The following ANK2 variants were observed in gnomAD, a reference collection of about 807,000 sequenced individuals.
ANK2 encodes the protein ankyrin 2, also known as ankyrin-2.
A neutral mutation model predicts 360.5 loss-of-function variants in ANK2; 83 were observed. The observed-to-expected ratio is 0.23, with a 90% CI of 0.19 to 0.28. ANK2 has a LOEUF of 0.28. Among genes scored for constraint, ANK2 ranks in the 10% least tolerant of loss-of-function variants. ANK2 has a pLI of 1.00. For synonymous variants in ANK2, 1,740 were observed against 1,759.5 expected, an observed-to-expected ratio of 0.99 and a Z score of 0.28; for missense variants, 4,201 against 4,795.7, an observed-to-expected ratio of 0.88 and a Z score of 3.66.
rs998176656 is a variant in ANK2 at position 113,287,637 on chromosome 4, G to C, written c.2112G>C (p.Gln704His). ...SGLTSLHLAA[Q>H]EDKVNVADIL... The stretch of plus-strand genomic sequence containing the variant: ...TCACATCCTTACACCTTGCAGCCCA[G>C]GAAGATAAAGTGAATGTTGCTGATA... The change falls in exon 19 of 46, where the codon CAG becomes CAC. Residue 704 changes from glutamine (Q) to histidine (H), a missense_variant. Coordinates refer to ENST00000357077, the MANE Select transcript of ANK2 (RefSeq NM_001148.6). 2 of 1,613,484 alleles carry C rather than the reference G, an allele frequency of 1.2e-6. No homozygotes were observed. Among genetic ancestry groups the C allele is most frequent in the South Asian group, 2.2e-5 (2 of 91,070 alleles).
chr4:113,059,593 A>G (rs771617790), intron 1 of ANK2, among the ~76,000 whole-genome samples: 1 of 152,124 alleles, frequency 6.6e-6, no homozygotes, highest in Non-Finnish European at 1.5e-5. Context: ...CTCTGTCCCA[A>G]TAAAGTACAG....
chr4:113,218,450 C>CAAA (rs1491341343), intron 4 of ANK2, among the ~76,000 whole-genome samples: 1 of 105,204 alleles, frequency 9.5e-6, no homozygotes, highest in African/African-American at 3.7e-5. Context: ...CATTAAATGA[C>CAAA]CAAAAAAAAA....
At chr4:113,339,490 A>T (rs1270015002) in intron 32 of ANK2, among the ~76,000 whole-genome samples, 168 bp downstream of exon 32, 1 of 152,222 alleles carries the variant, frequency 6.6e-6, no homozygotes, top group Non-Finnish European at 1.5e-5. Context: ...AGCAAGTGGA[A>T]TAGTGATAAT....
intron 38 of ANK2, among the ~76,000 whole-genome samples, chr4:113,360,216 C>T (rs1228281134): frequency 6.6e-6 from 1 of 152,230 alleles, no homozygotes; most frequent in Non-Finnish European, 1.5e-5. Context: ...AAGGCAGAAA[C>T]TTTGCCCAAA....
chr4:112,826,971 G>A, intron 1 of ANK2: 1 of 1,534,778 alleles, frequency 6.5e-7, no homozygotes, highest in African/African-American at 1.4e-5. Context: ...GTCATGTAAA[G>A]ATGAACCATT....
intron 32 of ANK2, among the ~76,000 whole-genome samples, chr4:113,340,212 T>A (rs559073842): frequency 3.3e-5 from 5 of 152,224 alleles, no homozygotes; most frequent in African/African-American, 1.2e-4. Context: ...ACTAAAAGAA[T>A]GAGAGAAGGG....
intron 2 of ANK2, among the ~76,000 whole-genome samples, chr4:112,958,146 G>C (rs984412397): frequency 6.6e-6 from 1 of 150,902 alleles, no homozygotes; most frequent in Non-Finnish European, 1.5e-5. Context: ...TCACGTCCCA[G>C]ACGATGGGCG....
chr4:113,096,903 T>C (rs936911907), intron 1 of ANK2, among the ~76,000 whole-genome samples: 1 of 151,786 alleles, frequency 6.6e-6, no homozygotes, highest in Non-Finnish European at 1.5e-5. Flanking sequence ...TGGGCTTAAA[T>C]TCAAGCTAAG....
In ANK2 at chr4:113,373,097, A is replaced by G; in HGVS notation, c.11618A>G (p.Asp3873Gly). Residue 3873 changes from aspartate (D) to glycine (G), a missense_variant, in exon 44 of 46, where the codon GAT (aspartate) becomes GGT (glycine). This residue lies in a region of ANK2 where 2,642 missense variants were observed against 2,714.5 expected (regional missense o/e 0.97). Transcript: ENST00000357077. ...TTTCTCTCAACTGTTTAGGGAGACG[A>G]TATGCCTGAAATACCCCCAGAAACA... ...DEDAAFEKGD[D>G]MPEIPPETVT... The G allele has an allele frequency of 6.2e-7, 1 of 1,614,064 alleles. No homozygotes were observed. The highest frequency in any genetic ancestry group is 8.5e-7 in the Non-Finnish European group (1 of 1,179,904).
chr4:112,989,534 A>C (rs1383683050), intron 2 of ANK2, among the ~76,000 whole-genome samples: 1 of 152,252 alleles, frequency 6.6e-6, no homozygotes, highest in Non-Finnish European at 1.5e-5. Context: ...AGCCTCGTGC[A>C]GTATGTTCTC....
intron 1 of ANK2, among the ~76,000 whole-genome samples, chr4:113,101,545 T>C (rs1037395803): frequency 1.1e-4 from 17 of 152,194 alleles, no homozygotes; most frequent in African/African-American, 4.1e-4. Context: ...TTTTTCATTC[T>C]TTCATACATT....
At chr4:113,018,053 A>G (rs1052349447) in intron 2 of ANK2, among the ~76,000 whole-genome samples, 3 of 152,232 alleles carry the variant, frequency 2.0e-5, no homozygotes, top group Admixed American at 6.5e-5. Context: ...GCAATTTTTG[A>G]TTATACTTCC....
intron 4 of ANK2, among the ~76,000 whole-genome samples, chr4:113,201,140 AG>A (rs2098824502): frequency 6.6e-6 from 1 of 152,078 alleles, no homozygotes; most frequent in Non-Finnish European, 1.5e-5. Flanking sequence ...CCAAAGCAGT[AG>A]GGGGATTGCT....
At chr4:112,794,539 A>G in the ANK2 span, among the ~76,000 whole-genome samples, 28 of 152,362 alleles carry the variant, frequency 1.8e-4, no homozygotes, top group African/African-American at 6.7e-4. Context: ...TGTTTGTAGC[A>G]AAGTACAATA....
intron 18 of ANK2, among the ~76,000 whole-genome samples, chr4:113,286,205 T>C (rs1461527115): frequency 1.3e-5 from 2 of 152,234 alleles, no homozygotes; most frequent in Non-Finnish European, 2.9e-5. Context: ...TTTGTTATTT[T>C]AGTAAGGAGA....
chr4:112,712,744 A>C, the ANK2 span, among the ~76,000 whole-genome samples: 1 of 152,202 alleles, frequency 6.6e-6, no homozygotes, highest in South Asian at 2.1e-4. Context: ...TATAAAAAGT[A>C]TTTGAGTTAC....
At chr4:113,123,284 A>C (rs1435177984) in intron 1 of ANK2, among the ~76,000 whole-genome samples, 1 of 152,132 alleles carries the variant, frequency 6.6e-6, no homozygotes, top group Admixed American at 6.6e-5. Flanking sequence ...CAATTGATTA[A>C]AAATAATGAT....
the ANK2 span, among the ~76,000 whole-genome samples, chr4:112,714,372 G>T: frequency 6.6e-6 from 1 of 152,110 alleles, no homozygotes; most frequent in Non-Finnish European, 1.5e-5. Flanking sequence ...TAGTAGAGAT[G>T]GGGTTTTGTC....
At chr4:113,113,260 C>T (rs948905559) in intron 1 of ANK2, among the ~76,000 whole-genome samples, 5 of 152,066 alleles carry the variant, frequency 3.3e-5, no homozygotes, top group African/African-American at 1.2e-4. Context: ...ACTTAGCACC[C>T]ATACCACATT....
Sources: gnomAD v4.1 joint callset for allele counts (sites outside exome capture counted in the v4.1 genomes callset) on GRCh38, gnomAD v4.1.1 for gene constraint, gnomAD v4.1.1 regional missense constraint, MANE v1.5 for transcripts, NCBI Gene and HGNC (gene_info 2026-07-23, HGNC 2026-07-21) for gene names.